The following EYS variants were observed in gnomAD, a reference collection of about 807,000 sequenced individuals.
EYS encodes protein eyes shut homolog.
In EYS, 250 loss-of-function variants were observed where a neutral mutation model predicts 282.1. The observed-to-expected ratio is 0.89, with a 90% CI of 0.80 to 0.98. The LOEUF is 0.98. Ranked by LOEUF, EYS falls within the 50% of genes least tolerant of loss-of-function variation. The pLI, the probability that EYS is intolerant of heterozygous loss-of-function variation, is 0.00. For synonymous variants in EYS, 1,355 were observed against 1,282.9 expected, an observed-to-expected ratio of 1.06 and a Z score of -1.20; for missense variants, 4,016 against 3,709.0, an observed-to-expected ratio of 1.08 and a Z score of -2.15.
rs561947094 is a variant in EYS at position 65,703,001 on chromosome 6, T to G, written c.-448+4134A>C. ...GTGAGTGAGCTTCATCCAATAACTT[T>G]AAGGCTTTTAGAGAAAAGACTGAGG... is the stretch of plus-strand genomic sequence containing the variant. On this transcript the variant is annotated intron_variant, in intron 1 of 42. Coordinates refer to ENST00000503581, the MANE Select transcript of EYS (RefSeq NM_001142800.2). Among the ~76,000 whole-genome samples, 4 of 152,148 alleles carry G rather than the reference T, an allele frequency of 2.6e-5. No individual in the cohort carries two copies. The South Asian group carries it at 8.3e-4, about 31-fold the overall frequency.
intron 28 of EYS, among the ~76,000 whole-genome samples, chr6:64,429,043 A>G (rs1774501413): frequency 6.6e-6 from 1 of 152,126 alleles, no homozygotes; most frequent in African/African-American, 2.4e-5. Flanking sequence ...ATTTCAGCTG[A>G]ACTTCCACAG....
chr6:63,907,980 A>G (rs985544455), intron 35 of EYS, among the ~76,000 whole-genome samples: 1 of 125,736 alleles, frequency 8.0e-6, no homozygotes, highest in African/African-American at 3.2e-5. Context: ...TATTGACTGT[A>G]TATATGTACA....
At chr6:65,502,164 T>G (rs571300824) in intron 2 of EYS, among the ~76,000 whole-genome samples, 136 of 151,874 alleles carry the variant, frequency 9.0e-4, no homozygotes, top group African/African-American at 3.1e-3. Flanking sequence ...ATGCGACTTA[T>G]AGACAAAAAT....
intron 14 of EYS, among the ~76,000 whole-genome samples, chr6:64,996,330 AC>A (rs761691128): frequency 2.0e-5 from 3 of 151,958 alleles, no homozygotes; most frequent in East Asian, 3.9e-4. Context: ...AATCAACTAT[AC>A]CCCCCCATCT....
intron 2 of EYS, among the ~76,000 whole-genome samples, chr6:65,530,775 A>C (rs1018358716): frequency 2.0e-5 from 3 of 152,188 alleles, no homozygotes; most frequent in Non-Finnish European, 4.4e-5. Context: ...TTGAAAGGAC[A>C]TCATGTATGT....
chr6:64,752,067 C>A (rs749193757), intron 22 of EYS, among the ~76,000 whole-genome samples: 17 of 151,884 alleles, frequency 1.1e-4, no homozygotes, highest in South Asian at 2.1e-4. Context: ...ACTATGAAAA[C>A]AACCAACCAA....
rs376691222 is a variant in EYS, at chr6:65,255,634, A to C, written c.2023+40229T>G. Reference sequence around the variant, plus strand: ...CATCTGACAAGGAATTAATATCCAGAATATATAAGGAGCTCAAATAACAGG... The same window carrying C: ...CATCTGACAAGGAATTAATATCCAGCATATATAAGGAGCTCAAATAACAGG... On this transcript the variant is annotated intron_variant, in intron 12 of 42. Transcript: ENST00000503581. Among the ~76,000 whole-genome samples the C allele has an allele frequency of 1.7e-3, 264 of 152,210 alleles. 1 individual carries two copies. The highest frequency in any genetic ancestry group is 4.6e-3 in the South Asian group (22 of 4,832).
intron 5 of EYS, among the ~76,000 whole-genome samples, chr6:65,453,520 T>G (rs549255437): frequency 3.3e-5 from 5 of 152,172 alleles, no homozygotes; most frequent in African/African-American, 1.2e-4. Flanking sequence ...TATCCTTTCT[T>G]TGTGATGAGA....
At chr6:64,925,437 C>T (rs1249492024) in intron 15 of EYS, among the ~76,000 whole-genome samples, 1 of 148,384 alleles carries the variant, frequency 6.7e-6, no homozygotes, top group African/African-American at 2.5e-5. Flanking sequence ...GTGGTGGCTT[C>T]TCAAATGCTC....
chr6:65,275,195 G>C (rs1037329520), intron 12 of EYS, among the ~76,000 whole-genome samples: 1 of 152,114 alleles, frequency 6.6e-6, no homozygotes, highest in African/African-American at 2.4e-5. Flanking sequence ...TCATAGTACA[G>C]GCCCTTAGGA....
intron 1 of EYS, among the ~76,000 whole-genome samples, chr6:65,662,103 G>T (rs546090824): frequency 6.6e-6 from 1 of 151,786 alleles, no homozygotes; most frequent in Non-Finnish European, 1.5e-5. Flanking sequence ...TTTAAGTAAA[G>T]GTTAAGGATA....
chr6:64,698,694 T>C (rs554981871), intron 22 of EYS, among the ~76,000 whole-genome samples: 22 of 152,194 alleles, frequency 1.4e-4, no homozygotes, highest in Middle Eastern at 3.4e-3. Context: ...TTCAAAAGAT[T>C]ATAAACATGT....
At chr6:63,923,641 C>T (rs1176044342) in intron 35 of EYS, among the ~76,000 whole-genome samples, 2 of 152,092 alleles carry the variant, frequency 1.3e-5, no homozygotes, top group South Asian at 2.1e-4. Flanking sequence ...GGGTATATTG[C>T]GTGATGCTGA....
At chr6:65,638,519 T>C (rs1767168155) in intron 2 of EYS, among the ~76,000 whole-genome samples, 1 of 152,214 alleles carries the variant, frequency 6.6e-6, no homozygotes, top group Middle Eastern at 3.2e-3. Flanking sequence ...TTTGGGGCTC[T>C]GTGGTTCCTG....
chr6:63,832,735 A>T (rs1395841668), intron 36 of EYS, among the ~76,000 whole-genome samples: 1 of 152,216 alleles, frequency 6.6e-6, no homozygotes, highest in Non-Finnish European at 1.5e-5. Context: ...CATCATCCTC[A>T]TACCAAAGCC....
chr6:64,165,972 T>C (rs1404031584), intron 31 of EYS, among the ~76,000 whole-genome samples: 1 of 152,212 alleles, frequency 6.6e-6, no homozygotes, highest in Non-Finnish European at 1.5e-5. Flanking sequence ...TCCTCCTCCA[T>C]TCCTACAGGT....
chr6:64,326,411 G>C (rs910204835), intron 29 of EYS, among the ~76,000 whole-genome samples: 5 of 152,170 alleles, frequency 3.3e-5, no homozygotes, highest in Non-Finnish European at 7.3e-5. Flanking sequence ...AAGAAATGTT[G>C]TAATGCTGCC....
chr6:64,297,977 C>CAAAAAAAAAAAA (rs34562408), intron 30 of EYS, among the ~76,000 whole-genome samples: 6 of 96,452 alleles, frequency 6.2e-5, no homozygotes, highest in African/African-American at 2.3e-4. Flanking sequence ...GATTCTGTCT[C>CAAAAAAAAAAAA]AAAAAAAAAA....
chr6:65,270,035 T>C (rs1767856374), intron 12 of EYS, among the ~76,000 whole-genome samples: 2 of 152,298 alleles, frequency 1.3e-5, no homozygotes, highest in African/African-American at 2.4e-5. Context: ...AAATGCAAAG[T>C]CTTACCTAAA....
Sources: gnomAD v4.1 joint callset for allele counts (sites outside exome capture counted in the v4.1 genomes callset) on GRCh38, gnomAD v4.1.1 for gene constraint, MANE v1.5 for transcripts, NCBI Gene and HGNC (gene_info 2026-07-23, HGNC 2026-07-21) for gene names.